FAM53B: variants seen among roughly 807,000 people sequenced by gnomAD.
FAM53B encodes family with sequence similarity 53 member B, also known as protein FAM53B.
FAM53B carries 12 observed loss-of-function variants against 32.7 expected under a neutral mutation model. The observed-to-expected ratio is 0.37, with a 90% CI of 0.24 to 0.59. The LOEUF (loss-of-function observed/expected upper bound fraction) is 0.59, where lower values mean the gene tolerates loss of function less well. Among genes scored for constraint, FAM53B ranks in the 20% least tolerant of loss-of-function variants. The pLI, the probability that FAM53B is intolerant of heterozygous loss-of-function variation, is 0.72. For missense variants in FAM53B, 477 were observed against 577.7 expected (o/e 0.83, Z 1.79); for synonymous variants, 234 against 228.7 (o/e 1.02, Z -0.21).
chr10:124,725,942 G>T (rs1460847325), intron 1 of FAM53B, among the ~76,000 whole-genome samples: 1 of 152,132 alleles, frequency 6.6e-6, no homozygotes, highest in Non-Finnish European at 1.5e-5. Context: ...TTGCTGGGGG[G>T]AACACTGGGG....
At chr10:124,643,409 G>A (rs183030772) in intron 4 of FAM53B, among the ~76,000 whole-genome samples, 4 of 152,324 alleles carry the variant, frequency 2.6e-5, no homozygotes, top group African/African-American at 4.8e-5. Context: ...AGGGTTTCTC[G>A]GCGCGGTGAT....
chr10:124,623,741 G>C, intron 4 of FAM53B, 137 bp from the exon 5 acceptor site: 1 of 989,498 alleles, frequency 1.0e-6, no homozygotes, highest in Admixed American at 3.1e-5. Flanking sequence ...ATCCAGGCAA[G>C]GACGGGCCCA....
Position 124,742,868 on chromosome 10 carries a change from T to C in FAM53B, c.-175+1145A>G, listed in dbSNP as rs1950207633. On this transcript the variant is annotated intron_variant, in intron 1 of 4. Transcript: ENST00000337318. ...CTAACACCACCGAGTCCGGAGATTG[T>C]ACCGTATGGAAGACTCGGAGTGTGG... The C allele has an allele frequency of 2.0e-5, 3 of 152,212 alleles. No homozygotes were observed. The South Asian group carries it at 6.2e-4, about 32-fold the overall frequency. The allele number at this position is 152,212 out of a possible 1,614,324, so 9.4% of individuals were successfully genotyped here.
chr10:124,660,587 C>T (rs903124052), intron 4 of FAM53B, among the ~76,000 whole-genome samples: 1 of 152,222 alleles, frequency 6.6e-6, no homozygotes, highest in African/African-American at 2.4e-5. Flanking sequence ...ACGGTGAGCA[C>T]GGCAGAGCCT....
intron 2 of FAM53B, among the ~76,000 whole-genome samples, chr10:124,698,216 G>A (rs1197459480): frequency 6.6e-6 from 1 of 152,168 alleles, no homozygotes; most frequent in Non-Finnish European, 1.5e-5. Context: ...TGCCAGGTGG[G>A]AGAAGGTAAC....
chr10:124,726,925 C>T (rs1950107631), intron 1 of FAM53B, among the ~76,000 whole-genome samples: 1 of 152,210 alleles, frequency 6.6e-6, no homozygotes, highest in African/African-American at 2.4e-5. Context: ...AGCAGCTAGG[C>T]TGCCTGTCAT....
chr10:124,637,889 G>A (rs1949443843), intron 4 of FAM53B, among the ~76,000 whole-genome samples: 1 of 152,184 alleles, frequency 6.6e-6, no homozygotes, highest in African/African-American at 2.4e-5. Flanking sequence ...AGCCTCCATG[G>A]AGCCTCTCTG....
At chr10:124,636,925 C>G (rs1949435674) in intron 4 of FAM53B, among the ~76,000 whole-genome samples, 1 of 151,972 alleles carries the variant, frequency 6.6e-6, no homozygotes, top group Non-Finnish European at 1.5e-5. Context: ...TCAGGTGCAG[C>G]TAGACTTCCT....
chr10:124,672,129 G>C (rs950235092), intron 4 of FAM53B, among the ~76,000 whole-genome samples: 3 of 152,256 alleles, frequency 2.0e-5, no homozygotes, highest in Admixed American at 2.0e-4. Context: ...CAAAGGCGAA[G>C]TGGGCTAAAG....
intron 1 of FAM53B, 130 bp from the exon 2 acceptor site, chr10:124,707,017 G>T: frequency 1.3e-6 from 1 of 786,224 alleles, no homozygotes; most frequent in Non-Finnish European, 1.7e-6. Context: ...GATGCACTCT[G>T]GGAGAGTCAC....
rs555736894 is a variant in FAM53B at position 124,682,576 on chromosome 10, T to C, written c.134-197A>G. On this transcript the variant is annotated intron_variant, in intron 3 of 4. Transcript: ENST00000337318. The surrounding 1 kb of genome is among the most constrained non-coding windows in gnomAD (Gnocchi z 5.2). ...GAGAAGTGAATCCCAAGGCTTTGAG[T>C]TGGAAGTTGGAAGCAGAGCAGGGCC... is the stretch of plus-strand genomic sequence containing the variant. Among the ~76,000 whole-genome samples the C allele has an allele frequency of 4.6e-4, 70 of 151,890 alleles. No individual in the cohort carries two copies. The highest frequency in any genetic ancestry group is 6.2e-4 in the Non-Finnish European group (42 of 67,982).
At chr10:124,731,301 G>C (rs943962114) in intron 1 of FAM53B, among the ~76,000 whole-genome samples, 1 of 152,206 alleles carries the variant, frequency 6.6e-6, no homozygotes, top group Non-Finnish European at 1.5e-5. Context: ...CTCCTGCTCT[G>C]TTAAGTAGGC....
chr10:124,720,175 A>C (rs1339725198), intron 1 of FAM53B, among the ~76,000 whole-genome samples: 1 of 151,846 alleles, frequency 6.6e-6, no homozygotes, highest in Non-Finnish European at 1.5e-5. Flanking sequence ...AAAAAAAAAA[A>C]AAAACAAACA....
chr10:124,640,469 G>A (rs1174549274), intron 4 of FAM53B, among the ~76,000 whole-genome samples: 2 of 152,180 alleles, frequency 1.3e-5, no homozygotes, highest in South Asian at 4.1e-4. Context: ...TTAAATCCAT[G>A]TGTTTCTTCC....
At chr10:124,729,310 G>A (rs1488584592) in intron 1 of FAM53B, among the ~76,000 whole-genome samples, 1 of 152,180 alleles carries the variant, frequency 6.6e-6, no homozygotes, top group Non-Finnish European at 1.5e-5. Context: ...GGCAAGCACA[G>A]TGTCAAAGGT....
chr10:124,623,722 G>GTTCC, intron 4 of FAM53B, 118 bp from the exon 5 acceptor site: 1 of 1,226,468 alleles, frequency 8.2e-7, no homozygotes, highest in Non-Finnish European at 1.1e-6. Flanking sequence ...CAAGTCCCGG[G>GTTCC]TTCCTCCTAT....
intron 1 of FAM53B, among the ~76,000 whole-genome samples, chr10:124,708,155 T>C (rs1185800641): frequency 6.6e-6 from 1 of 152,246 alleles, no homozygotes; most frequent in Non-Finnish European, 1.5e-5. Flanking sequence ...TTCCAATCTG[T>C]AATCAGAAAC....
chr10:124,716,756 A>G (rs1007136083), intron 1 of FAM53B, among the ~76,000 whole-genome samples: 2 of 152,148 alleles, frequency 1.3e-5, no homozygotes, highest in African/African-American at 4.8e-5. Flanking sequence ...GACACACTCA[A>G]AAGGAAGGAG....
chr10:124,707,529 GGA>G lies in FAM53B; in HGVS notation c.-174-644_-174-643del, dbSNP rs777842360. Among the ~76,000 whole-genome samples, 8 of 152,344 alleles carry G rather than the reference GGA, an allele frequency of 5.3e-5. No individual in the cohort carries two copies. In the East Asian group the frequency reaches 1.5e-3, roughly 29 times the overall value. ...TAGGCAGGTGGATCACCTGAGGTCAGGAGTTCGAGACCAGCCCGGTCAACATG... is the reference window on the plus strand; with the variant it reads ...TAGGCAGGTGGATCACCTGAGGTCAGGTTCGAGACCAGCCCGGTCAACATG... On this transcript the variant is annotated intron_variant, in intron 1 of 4. Transcript: ENST00000337318.
Sources: allele counts gnomAD v4.1 joint callset (sites outside exome capture counted in the v4.1 genomes callset), GRCh38; gene constraint gnomAD v4.1.1; non-coding constraint Gnocchi (gnomAD v3.1); transcripts MANE v1.5; gene names NCBI Gene and HGNC (gene_info 2026-07-23, HGNC 2026-07-21).